The following ARHGAP25 variants were observed in gnomAD, a reference collection of about 807,000 sequenced individuals.
The protein encoded by ARHGAP25 is rho GTPase-activating protein 25.
Under a neutral mutation model 71.0 loss-of-function variants are expected in ARHGAP25, and 34 were observed. The ratio of observed to expected loss-of-function variants is 0.48; its 90% CI spans 0.36 to 0.64. ARHGAP25 has a LOEUF of 0.64. ARHGAP25 is among the 30% of genes least tolerant of loss of function. ARHGAP25 has a pLI of 0.00. For synonymous variants in ARHGAP25, 282 were observed against 296.5 expected, an observed-to-expected ratio of 0.95 and a Z score of 0.50; for missense variants, 706 against 805.1, an observed-to-expected ratio of 0.88 and a Z score of 1.49.
chr2:68,772,282 G>A (rs1677536581), intron 1 of ARHGAP25, among the ~76,000 whole-genome samples: 1 of 152,214 alleles, frequency 6.6e-6, no homozygotes, highest in Non-Finnish European at 1.5e-5. Context: ...CTCTGGGGGT[G>A]GCCCAAGGGG....
At chr2:68,719,459 AAAAC>A (rs999746886) in intron 2 of ARHGAP25, among the ~76,000 whole-genome samples, 32 of 151,830 alleles carry the variant, frequency 2.1e-4, no homozygotes, top group African/African-American at 7.7e-4. Flanking sequence ...AAAACCCCAC[AAAAC>A]AAACAAACAA....
chr2:68,800,365 G>T (rs1679878905), intron 4 of ARHGAP25, among the ~76,000 whole-genome samples: 1 of 152,100 alleles, frequency 6.6e-6, no homozygotes, highest in Non-Finnish European at 1.5e-5. Flanking sequence ...CCAGTTTCCT[G>T]GAGTTTTCCA....
At chr2:68,807,038 T>C (rs1270274515) in intron 4 of ARHGAP25, among the ~76,000 whole-genome samples, 3 of 152,176 alleles carry the variant, frequency 2.0e-5, no homozygotes, top group African/African-American at 7.2e-5. Flanking sequence ...AAGCCAACCA[T>C]TATTTTAAAT....
At chr2:68,721,723 G>A (rs1440527898) in intron 2 of ARHGAP25, among the ~76,000 whole-genome samples, 1 of 152,202 alleles carries the variant, frequency 6.6e-6, no homozygotes, top group Non-Finnish European at 1.5e-5. Flanking sequence ...CTGGGTGGTG[G>A]AGCAGTCCAG....
At chr2:68,728,225 T>C (rs1674928501) in intron 2 of ARHGAP25, among the ~76,000 whole-genome samples, 2 of 152,150 alleles carry the variant, frequency 1.3e-5, no homozygotes, top group South Asian at 4.1e-4. Flanking sequence ...AAAAGATGCT[T>C]AACATCATTA....
At chr2:68,811,066 T>G (rs1318250346) in intron 5 of ARHGAP25, among the ~76,000 whole-genome samples, 1 of 152,200 alleles carries the variant, frequency 6.6e-6, no homozygotes, top group Non-Finnish European at 1.5e-5. Context: ...TGAATTATCC[T>G]TTACACTGTT....
intron 1 of ARHGAP25, among the ~76,000 whole-genome samples, chr2:68,755,080 A>T (rs1358627963): frequency 6.6e-6 from 1 of 152,226 alleles, no homozygotes; most frequent in Non-Finnish European, 1.5e-5. Context: ...TTTGGTGTCA[A>T]GAGTTGTTTT....
chr2:68,758,247 G>T (rs576371614), intron 1 of ARHGAP25, among the ~76,000 whole-genome samples: 1 of 152,066 alleles, frequency 6.6e-6, no homozygotes. Context: ...AATTACAGAA[G>T]TAAGTTGCTG....
chr2:68,748,508 T>C (rs1055927283), intron 1 of ARHGAP25, among the ~76,000 whole-genome samples: 2 of 152,250 alleles, frequency 1.3e-5, no homozygotes, highest in African/African-American at 4.8e-5. Flanking sequence ...CACTTTTAGA[T>C]AGTCACTGCC....
At chr2:68,750,526 G>A (rs562825809) in intron 1 of ARHGAP25, among the ~76,000 whole-genome samples, 11 of 152,034 alleles carry the variant, frequency 7.2e-5, no homozygotes, top group African/African-American at 2.4e-4. Context: ...TTGCTATGTC[G>A]GCCAGGCTGC....
intron 2 of ARHGAP25, among the ~76,000 whole-genome samples, chr2:68,781,979 AC>A (rs1269311951): frequency 6.6e-6 from 1 of 152,058 alleles, no homozygotes; most frequent in Non-Finnish European, 1.5e-5. Context: ...TGGTGATGAC[AC>A]CCTCTTAGCT....
Position 68,819,203 on chromosome 2 carries a change from C to T in ARHGAP25, c.1084C>T (p.Leu362=), listed in dbSNP as rs202221071. ...VLFPKSKDIP[L]SPPAQKNDPK... ...CTTCCCCAAGTCCAAGGATATACCC[C>T]TGTCACCCCCTGCCCAGAAAAATGA... The change falls in exon 9 of 11, where the codon CTG becomes TTG. Residue 362 remains leucine (L), a synonymous_variant. Transcript: ENST00000409202. 1.5e-5 allele frequency: 25 copies of T among 1,614,090 alleles called. No individual in the cohort carries two copies. In the East Asian group the frequency reaches 5.1e-4, roughly 33 times the overall value.
upstream of ARHGAP25, among the ~76,000 whole-genome samples, chr2:68,730,749 G>T (rs192419815): frequency 6.6e-6 from 1 of 152,226 alleles, no homozygotes; most frequent in Non-Finnish European, 1.5e-5. Context: ...TCAACTAGTG[G>T]GTATGGGGCA....
At chr2:68,805,700 A>G (rs1303164788) in intron 4 of ARHGAP25, among the ~76,000 whole-genome samples, 1 of 152,140 alleles carries the variant, frequency 6.6e-6, no homozygotes, top group East Asian at 1.9e-4. Context: ...GTAGGAGCGG[A>G]AAAGAACATG....
At chr2:68,752,894 G>C (rs530543849) in intron 1 of ARHGAP25, among the ~76,000 whole-genome samples, 1 of 152,294 alleles carries the variant, frequency 6.6e-6, no homozygotes, top group South Asian at 2.1e-4. Context: ...GAGAAAGAGA[G>C]AGAGATATCA....
chr2:68,719,335 C>T (rs1674694759), intron 2 of ARHGAP25, among the ~76,000 whole-genome samples: 1 of 150,396 alleles, frequency 6.6e-6, no homozygotes, highest in Non-Finnish European at 1.5e-5. Flanking sequence ...CGCCCTTCGT[C>T]TGTGGCACCT....
intron 4 of ARHGAP25, among the ~76,000 whole-genome samples, chr2:68,802,416 A>T (rs1280266021): frequency 6.6e-6 from 1 of 151,564 alleles, no homozygotes; most frequent in East Asian, 1.9e-4. Flanking sequence ...TCAAAAAAAA[A>T]AAAAAAAAAA....
intron 4 of ARHGAP25, among the ~76,000 whole-genome samples, chr2:68,803,950 G>C (rs1436033899): frequency 6.6e-6 from 1 of 152,194 alleles, no homozygotes; most frequent in Non-Finnish European, 1.5e-5. Context: ...TCCACAATAT[G>C]GTTGTGCATG....
At chr2:68,812,698 G>A (rs1327066157) in intron 5 of ARHGAP25, among the ~76,000 whole-genome samples, 1 of 152,162 alleles carries the variant, frequency 6.6e-6, no homozygotes, top group Non-Finnish European at 1.5e-5. Flanking sequence ...GTGGCTCGAT[G>A]GGGCCAGGGC....
Sources: gnomAD v4.1 joint callset for allele counts (sites outside exome capture counted in the v4.1 genomes callset) on GRCh38, gnomAD v4.1.1 for gene constraint, MANE v1.5 for transcripts, NCBI Gene and HGNC (gene_info 2026-07-23, HGNC 2026-07-21) for gene names.